The following USH2A variants were observed in gnomAD, a reference collection of about 807,000 sequenced individuals.
The protein encoded by USH2A is usherin, also known as Usher syndrome 2A (autosomal recessive, mild).
Under a neutral mutation model 538.9 loss-of-function variants are expected in USH2A, and 443 were observed. The observed-to-expected ratio is 0.82, with a 90% confidence interval of 0.76 to 0.89. The LOEUF is 0.89. Ranked by LOEUF, USH2A falls within the 40% of genes least tolerant of loss-of-function variation. USH2A has a pLI of 0.00. For missense variants in USH2A, 6,633 were observed against 6,324.8 expected, an observed-to-expected ratio of 1.05 and a Z score of -1.65; for synonymous variants, 2,413 against 2,273.5, an observed-to-expected ratio of 1.06 and a Z score of -1.75.
rs189124889 is a variant in USH2A at position 215,854,768 on chromosome 1, C to A, written c.8846-8735G>T. Among the ~76,000 whole-genome samples, 3 of 152,276 alleles carry A rather than the reference C, an allele frequency of 2.0e-5. No homozygotes were observed. The East Asian group carries it at 5.8e-4, about 29-fold the overall frequency. ...ATAGTGCATGAATAACCTGGTCACC[C>A]CATCCTAATCTTTTGTTATGCAGAT... On this transcript the variant is annotated intron_variant, in intron 44 of 71. Transcript: ENST00000307340.
Position 215,634,412 on chromosome 1 carries a change from T to C in USH2A, c.15297+47A>G. The C allele has an allele frequency of 1.9e-6, 3 of 1,613,742 alleles. 1 individual carries two copies. The South Asian group carries it at 3.3e-5, about 18-fold the overall frequency. The stretch of plus-strand genomic sequence containing the variant: ...ATTTTTCTCAGAAGGAAAACAAGTA[T>C]TCTAGTCCAGTGATAGGGAAATGGG... On this transcript the variant is annotated intron_variant, in intron 70 of 71. Coordinates refer to ENST00000307340, the MANE Select transcript of USH2A (RefSeq NM_206933.4).
chr1:216,162,750 G>A (rs552962445), intron 21 of USH2A, among the ~76,000 whole-genome samples: 12 of 152,062 alleles, frequency 7.9e-5, no homozygotes, highest in African/African-American at 2.9e-4. Context: ...TATTCACCAA[G>A]GTTTCTCTAC....
At chr1:215,813,677 C>T in intron 49 of USH2A, 59 bp downstream of exon 49, 5 of 1,606,016 alleles carry the variant, frequency 3.1e-6, no homozygotes, top group Non-Finnish European at 3.4e-6. Flanking sequence ...TGACATGAAC[C>T]ACGTGTTTAT....
intron 34 of USH2A, 45 bp downstream of exon 34, chr1:215,998,842 A>T: frequency 1.3e-6 from 2 of 1,594,780 alleles, no homozygotes; most frequent in Non-Finnish European, 1.7e-6. Context: ...AGGGGAGAAG[A>T]AGTGGAAGGA....
chr1:215,819,437 G>C (rs1662948844), intron 47 of USH2A, among the ~76,000 whole-genome samples: 2 of 151,620 alleles, frequency 1.3e-5, no homozygotes, highest in Admixed American at 1.3e-4. Context: ...TCAGTTTTGT[G>C]GGGGTACAAA....
At chr1:216,292,557 G>T (rs545963299) in intron 9 of USH2A, among the ~76,000 whole-genome samples, 187 bp from the exon 10 acceptor site, 1 of 152,228 alleles carries the variant, frequency 6.6e-6, no homozygotes, top group Non-Finnish European at 1.5e-5. Flanking sequence ...GGGTGGAATT[G>T]TAAAAGTGAC....
chr1:216,167,331 GA>G (rs1267540540), intron 21 of USH2A, among the ~76,000 whole-genome samples: 2 of 152,210 alleles, frequency 1.3e-5, no homozygotes, highest in Admixed American at 6.5e-5. Context: ...CAGTGCCAGG[GA>G]AAGGCAGTCT....
chr1:216,249,193 T>C (rs2036110096), intron 12 of USH2A, among the ~76,000 whole-genome samples: 1 of 152,034 alleles, frequency 6.6e-6, no homozygotes, highest in African/African-American at 2.4e-5. Flanking sequence ...TTTGCAGAAA[T>C]AACACTAGAA....
chr1:215,847,292 G>A (rs1558125637), intron 44 of USH2A, among the ~76,000 whole-genome samples: 2 of 152,258 alleles, frequency 1.3e-5, no homozygotes, highest in East Asian at 1.9e-4. Context: ...GATTACCTTA[G>A]TTTGTTAGGA....
chr1:216,233,565 C>T (rs1004408908), intron 13 of USH2A, among the ~76,000 whole-genome samples: 4 of 151,914 alleles, frequency 2.6e-5, no homozygotes, highest in African/African-American at 7.3e-5. Context: ...CAAACACATT[C>T]GATGAACAAA....
intron 21 of USH2A, among the ~76,000 whole-genome samples, chr1:216,145,704 T>A (rs1053229025): frequency 3.9e-5 from 6 of 152,128 alleles, no homozygotes; most frequent in Admixed American, 1.3e-4. Context: ...GAAGTGAATA[T>A]GTCCTGCCCC....
rs1438685012 is a variant in USH2A at position 216,321,842 on chromosome 1, CT to C, written c.1644+40del. On this transcript the variant is annotated intron_variant, in intron 9 of 71. Coordinates refer to ENST00000307340, the MANE Select transcript of USH2A (RefSeq NM_206933.4). ...ATAGAATTTATAGTCACCATCTCTA[CT>C]ATTTTTTTTTTAGATTTCCATGCAT... The C allele has an allele frequency of 1.5e-5, 23 of 1,524,398 alleles. No homozygotes were observed. The East Asian group carries it at 5.2e-4, about 34-fold the overall frequency. 94.4% of individuals were successfully genotyped at this position (1,524,398 alleles called of 1,614,324 possible).
chr1:215,856,983 A>G (rs576386107), intron 44 of USH2A, among the ~76,000 whole-genome samples: 1 of 152,134 alleles, frequency 6.6e-6, no homozygotes, highest in East Asian at 1.9e-4. Flanking sequence ...ACCAAACATC[A>G]TATGTTCTCA....
intron 21 of USH2A, among the ~76,000 whole-genome samples, chr1:216,169,779 C>T (rs1036410043): frequency 3.3e-5 from 5 of 152,050 alleles, no homozygotes; most frequent in African/African-American, 1.2e-4. Context: ...CTTACTCTTT[C>T]CTTTACTTTT....
chr1:216,197,114 T>G (rs982694491), intron 18 of USH2A, among the ~76,000 whole-genome samples: 1 of 152,170 alleles, frequency 6.6e-6, no homozygotes, highest in African/African-American at 2.4e-5. Context: ...ATTTCCCATG[T>G]AGGGAAATAT....
intron 38 of USH2A, among the ~76,000 whole-genome samples, chr1:215,919,811 T>A (rs911092726): frequency 6.6e-6 from 1 of 152,058 alleles, no homozygotes; most frequent in African/African-American, 2.4e-5. Flanking sequence ...TTAGGTTTAA[T>A]TTTTTCTGAG....
At chr1:216,029,938 T>G (rs1669054776) in intron 32 of USH2A, among the ~76,000 whole-genome samples, 1 of 149,032 alleles carries the variant, frequency 6.7e-6, no homozygotes, top group African/African-American at 2.5e-5. Context: ...CCATCACTGA[T>G]AGAATGGTTA....
At chr1:215,631,583 T>G (rs1041019762) in intron 70 of USH2A, among the ~76,000 whole-genome samples, 4 of 152,190 alleles carry the variant, frequency 2.6e-5, no homozygotes, top group African/African-American at 9.7e-5. Context: ...TAAATTATGA[T>G]TCAACAGGCT....
chr1:215,686,022 C>T (rs2820685), intron 61 of USH2A, among the ~76,000 whole-genome samples: 19,777 of 152,112 alleles, frequency 0.13, 1,448 homozygotes, highest in Non-Finnish European at 0.15. Context: ...TGTGTATGTG[C>T]TAGGCAGCAT....
Sources: allele counts gnomAD v4.1 joint callset (sites outside exome capture counted in the v4.1 genomes callset), GRCh38; gene constraint gnomAD v4.1.1; transcripts MANE v1.5; gene names NCBI Gene and HGNC (gene_info 2026-07-23, HGNC 2026-07-21).